Variants in XIRP2 observed in about 807,000 individuals in gnomAD.
The protein encoded by XIRP2 is xin actin-binding repeat-containing protein 2.
A neutral mutation model predicts 277.0 loss-of-function variants in XIRP2; 236 were observed. The ratio of observed to expected loss-of-function variants is 0.85; its 90% CI spans 0.77 to 0.95. The LOEUF is 0.95. Among genes scored for constraint, XIRP2 ranks in the 40% least tolerant of loss-of-function variants. The probability of loss-of-function intolerance (pLI) is 0.00; values close to 1 mark genes in which losing one functional copy is unlikely to be tolerated. For missense variants in XIRP2, 4,640 were observed against 4,157.5 expected (o/e 1.12, Z -3.19); for synonymous variants, 1,490 against 1,416.5 (o/e 1.05, Z -1.17).
intron 2 of XIRP2, among the ~76,000 whole-genome samples, chr2:166,934,160 A>G (rs766602432): frequency 3.3e-5 from 5 of 150,686 alleles, no homozygotes; most frequent in Non-Finnish European, 7.4e-5. Flanking sequence ...GTTATATTGC[A>G]TAAAAGTCCA....
At chr2:167,048,485 CT>C (rs1688842512) in intron 2 of XIRP2, among the ~76,000 whole-genome samples, 2 of 151,878 alleles carry the variant, frequency 1.3e-5, no homozygotes, top group South Asian at 2.1e-4. Flanking sequence ...TTTATTTTCT[CT>C]TTTTTTCCCC....
intron 3 of XIRP2, among the ~76,000 whole-genome samples, chr2:167,195,568 T>C (rs1451905227): frequency 6.6e-6 from 1 of 152,188 alleles, no homozygotes; most frequent in Non-Finnish European, 1.5e-5. Flanking sequence ...TGTGAAAAGA[T>C]GGAAGAACTC....
rs796552354 is a variant in XIRP2, at chr2:166,900,291, T to C, written c.-18-3174T>C. On this transcript the variant is annotated intron_variant, in intron 1 of 10. Coordinates refer to ENST00000409195, the MANE Select transcript of XIRP2 (RefSeq NM_152381.6). ...AGTCCATTCAATGAGTTTTTAAATG[T>C]TCGTTATTTCTACCTCAATTCTAGA... Among the ~76,000 whole-genome samples, 17 of 152,204 alleles carry C rather than the reference T, an allele frequency of 1.1e-4. 1 individual carries two copies. The highest frequency in any genetic ancestry group is 3.8e-4 in the African/African-American group (16 of 41,566).
chr2:167,245,566 G>C lies in XIRP2; in HGVS notation c.4174G>C (p.Glu1392Gln). The change falls in exon 9 of 11, where the codon GAA becomes CAA. Residue 1392 changes from glutamate to glutamine, a missense_variant. Transcript: ENST00000409195. ...TGTTAGTTCTGTCAGATACAGATTT[G>C]AAACTCAGCCACTGGATCAGATTTC... Reference protein sequence around the residue: ...GDVSSVRYRFETQPLDQISEE... With the variant: ...GDVSSVRYRFQTQPLDQISEE... 1 of 1,613,636 alleles carries C rather than the reference G, an allele frequency of 6.2e-7. No individual in the cohort carries two copies.
chr2:167,208,526 TCTGGA>T (rs1209320441), intron 3 of XIRP2, among the ~76,000 whole-genome samples: 1 of 152,130 alleles, frequency 6.6e-6, no homozygotes, highest in Non-Finnish European at 1.5e-5. Context: ...GCCAGGATGG[TCTGGA>T]TCTCCTGACC....
intron 2 of XIRP2, among the ~76,000 whole-genome samples, chr2:167,125,481 C>A (rs1460208756): frequency 6.6e-6 from 1 of 152,156 alleles, no homozygotes; most frequent in African/African-American, 2.4e-5. Context: ...AAGTGTGTGG[C>A]CTTGGGCAAG....
intron 2 of XIRP2, among the ~76,000 whole-genome samples, chr2:167,053,326 T>C (rs1357715841): frequency 1.3e-5 from 2 of 152,222 alleles, no homozygotes; most frequent in African/African-American, 2.4e-5. Context: ...TAGATATGTG[T>C]TGTATATTCG....
At chr2:167,199,653 C>A (rs1559017386) in intron 3 of XIRP2, among the ~76,000 whole-genome samples, 1 of 152,080 alleles carries the variant, frequency 6.6e-6, no homozygotes, top group Non-Finnish European at 1.5e-5. Flanking sequence ...TTAACCAGTC[C>A]CTCAGAGGCA....
intron 2 of XIRP2, among the ~76,000 whole-genome samples, chr2:167,083,314 G>T (rs988809397): frequency 7.9e-5 from 12 of 152,102 alleles, no homozygotes; most frequent in Non-Finnish European, 1.5e-4. Flanking sequence ...TCTCTGTTTT[G>T]GTACCAGTAC....
At chr2:167,040,783 G>C (rs1688640015) in intron 2 of XIRP2, among the ~76,000 whole-genome samples, 1 of 152,170 alleles carries the variant, frequency 6.6e-6, no homozygotes, top group East Asian at 1.9e-4. Context: ...TTCACCTGCA[G>C]ACCCTAGGTA....
chr2:167,161,464 T>C (rs936849995), intron 3 of XIRP2, among the ~76,000 whole-genome samples: 2 of 152,216 alleles, frequency 1.3e-5, no homozygotes, highest in African/African-American at 4.8e-5. Context: ...CAAACCCCAA[T>C]TCTTGATTTC....
At chr2:167,148,076 A>T (rs1480654585) in intron 3 of XIRP2, among the ~76,000 whole-genome samples, 1 of 152,070 alleles carries the variant, frequency 6.6e-6, no homozygotes, top group Non-Finnish European at 1.5e-5. Context: ...AGCCCTGAAC[A>T]CTTCAAAAGA....
intron 2 of XIRP2, among the ~76,000 whole-genome samples, chr2:167,063,327 T>C (rs1689217889): frequency 6.6e-6 from 1 of 151,964 alleles, no homozygotes; most frequent in Non-Finnish European, 1.5e-5. Flanking sequence ...ACCCAGAATA[T>C]GGTTTATTTT....
intron 4 of XIRP2, among the ~76,000 whole-genome samples, chr2:167,214,622 A>T (rs1047236180): frequency 6.6e-6 from 1 of 151,556 alleles, no homozygotes; most frequent in Admixed American, 6.6e-5. Context: ...GCTGGAGTGC[A>T]GTGGCACAAT....
At position 167,151,988 on chromosome 2, in the gene XIRP2, A is replaced by AT. The variant is rs1479200546; in HGVS notation, c.562+15932dup. Among the ~76,000 whole-genome samples, 17 of 152,152 alleles carry AT rather than the reference A, an allele frequency of 1.1e-4. No individual in the cohort carries two copies. In the South Asian group the frequency reaches 2.9e-3, roughly 26 times the overall value. On this transcript the variant is annotated intron_variant, in intron 3 of 10. Coordinates refer to ENST00000409195, the MANE Select transcript of XIRP2 (RefSeq NM_152381.6). ...GTGATTGCAGAAGTAATATCAATTC[A>AT]TTTTTTCTATTGCCAAATTTGTGAC...
intron 1 of XIRP2, among the ~76,000 whole-genome samples, chr2:166,902,139 G>C (rs12473081): frequency 0.21 from 31,637 of 152,070 alleles, 3,992 homozygotes; most frequent in Admixed American, 0.28. Flanking sequence ...AACTTCTGCT[G>C]TAAGTATGGA....
intron 2 of XIRP2, among the ~76,000 whole-genome samples, chr2:167,130,854 G>T (rs1691353088): frequency 1.3e-5 from 2 of 151,738 alleles, no homozygotes; most frequent in Admixed American, 1.3e-4. Context: ...CTTTCTCATT[G>T]CCCAAACTAG....
chr2:166,892,981 T>TACACAC lies in XIRP2; in HGVS notation c.-19+4446_-19+4451dup, dbSNP rs768482855. Among the ~76,000 whole-genome samples the TACACAC allele has an allele frequency of 1.6e-3, 224 of 143,098 alleles. 1 individual carries two copies. The highest frequency in any genetic ancestry group is 3.7e-3 in the African/African-American group (139 of 37,132). 93.9% of individuals were successfully genotyped at this position (143,098 alleles called of 152,430 possible). ...GTATATACATATATATATATGTATA[T>TACACAC]ACACACACACACACACACACACACA... On this transcript the variant is annotated intron_variant, in intron 1 of 10. Transcript: ENST00000409195.
At chr2:167,191,118 T>C (rs967480601) in intron 3 of XIRP2, among the ~76,000 whole-genome samples, 2 of 146,774 alleles carry the variant, frequency 1.4e-5, no homozygotes, top group African/African-American at 5.1e-5. Flanking sequence ...TCTAGGAGGT[T>C]GAGGCTGCGA....
Sources: allele counts gnomAD v4.1 joint callset (sites outside exome capture counted in the v4.1 genomes callset), GRCh38; gene constraint gnomAD v4.1.1; transcripts MANE v1.5; gene names NCBI Gene and HGNC (gene_info 2026-07-23, HGNC 2026-07-21).